Variants in SCG3 observed in about 807,000 individuals in gnomAD.
SCG3 encodes the protein secretogranin-3.
A neutral mutation model predicts 56.2 loss-of-function variants in SCG3; 38 were observed. The ratio of observed to expected loss-of-function variants is 0.68; its 90% CI spans 0.52 to 0.89. The LOEUF is 0.89. SCG3 is among the 40% of genes least tolerant of loss of function. The probability of loss-of-function intolerance (pLI) is 0.00; values close to 1 mark genes in which losing one functional copy is unlikely to be tolerated. For synonymous variants in SCG3, 176 were observed against 184.2 expected (o/e 0.96, Z 0.36); for missense variants, 524 against 540.7 (o/e 0.97, Z 0.31).
At chr15:51,702,023 T>G (rs992245283) in intron 10 of SCG3, among the ~76,000 whole-genome samples, 1 of 152,172 alleles carries the variant, frequency 6.6e-6, no homozygotes, top group Non-Finnish European at 1.5e-5. Context: ...GCATGGCACA[T>G]GTATACATAT....
chr15:51,687,199 G>A (rs533534924), intron 4 of SCG3, among the ~76,000 whole-genome samples: 64 of 152,136 alleles, frequency 4.2e-4, no homozygotes, highest in Middle Eastern at 3.4e-3. Flanking sequence ...AAGTAATCGC[G>A]GTTTTTGCCA....
chr15:51,698,491 C>T (rs1477282106), intron 8 of SCG3, among the ~76,000 whole-genome samples: 2 of 152,130 alleles, frequency 1.3e-5, no homozygotes, highest in African/African-American at 2.4e-5. Flanking sequence ...CCTAAGACTA[C>T]CTAACAGTAG....
In SCG3 at chr15:51,704,208, A is replaced by AAT. The variant is rs1008904058; in HGVS notation, c.1207+2977_1207+2978dup. Among the ~76,000 whole-genome samples, 425 of 132,736 alleles carry AAT rather than the reference A, an allele frequency of 3.2e-3. 3 individuals carry two copies. The highest frequency in any genetic ancestry group is 0.011 in the African/African-American group (391 of 36,332). The allele number at this position is 132,736 out of a possible 152,430, so 87.1% of individuals were successfully genotyped here. ...TGGATGGGTGGTAAACTCTTTTTAAAATATATATATATATGTGTGTATACA... is the reference window on the plus strand; with the variant it reads ...TGGATGGGTGGTAAACTCTTTTTAAAATATATATATATATATGTGTGTATACA... On this transcript the variant is annotated intron_variant, in intron 10 of 11. Transcript: ENST00000220478.
intron 5 of SCG3, among the ~76,000 whole-genome samples, chr15:51,688,968 T>C (rs773330629): frequency 2.6e-5 from 4 of 152,102 alleles, no homozygotes; most frequent in Non-Finnish European, 5.9e-5. Context: ...TCTCAAAATA[T>C]GTGGTCCATG....
At position 51,688,221 on chromosome 15, in the gene SCG3, A is replaced by G. The variant is rs201314915; in HGVS notation, c.398-39A>G. On this transcript the variant is annotated intron_variant, in intron 4 of 11. Coordinates refer to ENST00000220478, the MANE Select transcript of SCG3 (RefSeq NM_013243.4). ...ATAATATGATGCATGAAATAGATCT[A>G]TGATCACTATGGTGTGAAGTTGTGG... The G allele has an allele frequency of 9.2e-5, 145 of 1,578,910 alleles. 1 individual carries two copies. The highest frequency in any genetic ancestry group is 1.1e-4 in the East Asian group (5 of 44,512).
chr15:51,691,295 C>T (rs1264027551), intron 6 of SCG3, among the ~76,000 whole-genome samples: 1 of 152,162 alleles, frequency 6.6e-6, no homozygotes, highest in Non-Finnish European at 1.5e-5. Context: ...GGACTCTGAT[C>T]TTTATTGTAA....
At chr15:51,688,609 C>T (rs2055245411) in intron 5 of SCG3, among the ~76,000 whole-genome samples, 2 of 151,908 alleles carry the variant, frequency 1.3e-5, no homozygotes, top group Admixed American at 1.3e-4. Context: ...AGACACACGC[C>T]CAAAATGCCA....
intron 7 of SCG3, among the ~76,000 whole-genome samples, chr15:51,695,108 A>T (rs568000851): frequency 6.6e-6 from 1 of 152,182 alleles, no homozygotes; most frequent in East Asian, 1.9e-4. Flanking sequence ...GGGGATGAGG[A>T]AGAGAATATT....
chr15:51,699,032 T>C (rs1480677347), intron 8 of SCG3, among the ~76,000 whole-genome samples: 1 of 152,218 alleles, frequency 6.6e-6, no homozygotes, highest in Non-Finnish European at 1.5e-5. Context: ...GTATCCACTG[T>C]AATTCCCAAT....
intron 10 of SCG3, among the ~76,000 whole-genome samples, chr15:51,710,149 G>A (rs533666934): frequency 2.0e-5 from 3 of 151,962 alleles, no homozygotes; most frequent in African/African-American, 7.3e-5. Flanking sequence ...TTTACTCATT[G>A]ACAAATATTT....
chr15:51,707,750 C>A (rs1595838673), intron 10 of SCG3, among the ~76,000 whole-genome samples: 8 of 152,342 alleles, frequency 5.3e-5, no homozygotes, highest in Admixed American at 5.2e-4. Flanking sequence ...CATCATTATG[C>A]AGAATCTTGA....
chr15:51,697,313 T>C (rs910579315), intron 8 of SCG3, among the ~76,000 whole-genome samples: 4 of 152,186 alleles, frequency 2.6e-5, no homozygotes, highest in Non-Finnish European at 5.9e-5. Context: ...GAGTCAGAAA[T>C]TCCACACTTA....
intron 10 of SCG3, among the ~76,000 whole-genome samples, chr15:51,705,757 G>T (rs1200005236): frequency 1.4e-4 from 22 of 152,110 alleles, no homozygotes; most frequent in Admixed American, 1.4e-3. Context: ...CCCGACATCA[G>T]GTGATCCACC....
chr15:51,693,987 C>T (rs1426841209), intron 7 of SCG3: 1 of 152,168 alleles, frequency 6.6e-6, no homozygotes, highest in East Asian at 1.9e-4. Context: ...AGTTCTTTTC[C>T]AAGACCTCTT....
chr15:51,705,071 G>C (rs911621244), intron 10 of SCG3, among the ~76,000 whole-genome samples: 1 of 151,958 alleles, frequency 6.6e-6, no homozygotes, highest in Admixed American at 6.6e-5. Flanking sequence ...ACCAGGACAA[G>C]AGTGGACTAT....
intron 2 of SCG3, 70 bp downstream of exon 2, chr15:51,682,639 C>A: frequency 1.1e-6 from 1 of 927,182 alleles, no homozygotes; most frequent in Non-Finnish European, 1.6e-6. Flanking sequence ...TGTAATTATG[C>A]TGTGACATTT....
chr15:51,710,883 A>G (rs1017385961), intron 10 of SCG3, among the ~76,000 whole-genome samples: 15 of 151,272 alleles, frequency 9.9e-5, no homozygotes, highest in African/African-American at 3.7e-4. Flanking sequence ...GGTGTGAGCC[A>G]CAGAGCCTGG....
intron 7 of SCG3, 56 bp from the exon 8 acceptor site, chr15:51,695,819 C>G: frequency 1.1e-6 from 1 of 896,844 alleles, no homozygotes; most frequent in Admixed American, 2.3e-5. Context: ...TATAAATTGA[C>G]ATTGAAAGAG....
intron 8 of SCG3, among the ~76,000 whole-genome samples, chr15:51,698,858 TC>T (rs974383453): frequency 3.3e-5 from 5 of 152,180 alleles, no homozygotes; most frequent in African/African-American, 1.2e-4. Flanking sequence ...GGTCCTAGGC[TC>T]CTCCTTGAAT....
Sources: gnomAD v4.1 joint callset for allele counts (sites outside exome capture counted in the v4.1 genomes callset) on GRCh38, gnomAD v4.1.1 for gene constraint, MANE v1.5 for transcripts, NCBI Gene and HGNC (gene_info 2026-07-23, HGNC 2026-07-21) for gene names.